Variants in SDR16C5 observed in about 807,000 individuals in gnomAD.
SDR16C5 encodes short chain dehydrogenase/reductase family 16C member 5, also known as epidermal retinol dehydrogenase 2.
In SDR16C5, 20 loss-of-function variants were observed where a neutral mutation model predicts 27.7. That is an observed-to-expected ratio of 0.72 (90% CI 0.51 to 1.05). SDR16C5 has a LOEUF of 1.05. Ranked by LOEUF, SDR16C5 falls within the 50% of genes least tolerant of loss-of-function variation. SDR16C5 has a pLI of 0.00. For missense variants in SDR16C5, 374 were observed against 366.3 expected, an observed-to-expected ratio of 1.02 and a Z score of -0.17; for synonymous variants, 139 against 132.3, an observed-to-expected ratio of 1.05 and a Z score of -0.35.
chr8:56,312,569 GTGA>G (rs563416687), intron 2 of SDR16C5, among the ~76,000 whole-genome samples: 65 of 152,106 alleles, frequency 4.3e-4, no homozygotes, highest in Non-Finnish European at 7.9e-4. Context: ...GCCAGGCATG[GTGA>G]TGCGTGCCTC....
intron 6 of SDR16C5, 33 bp from the exon 7 acceptor site, chr8:56,301,606 T>C (rs1814756866): frequency 2.0e-6 from 3 of 1,504,496 alleles, no homozygotes; most frequent in South Asian, 2.3e-5. Flanking sequence ...CTTTCTTTAT[T>C]ATCATTCATG....
chr8:56,301,566 G>T lies in SDR16C5; in HGVS notation c.844C>A (p.Pro282Thr). Residue 282 changes from proline (P) to threonine (T), a missense_variant, in exon 7 of 7, where the codon CCC becomes ACC. Coordinates refer to ENST00000303749, the MANE Select transcript of SDR16C5 (RefSeq NM_138969.4). Reference protein sequence around the residue: ...YFMMFLKSFLPLKTGLLIADY... With the variant: ...YFMMFLKSFLTLKTGLLIADY... Reference sequence around the variant, plus strand: ...GCTATAAGCAGTCCTGTCTTGAGGGGCAAAAAGCTAAAGAGAACACAAGAA... The same window carrying T: ...GCTATAAGCAGTCCTGTCTTGAGGGTCAAAAAGCTAAAGAGAACACAAGAA... 6.2e-7 allele frequency: 1 copy of T among 1,611,962 alleles called. No individual in the cohort carries two copies. Among genetic ancestry groups the T allele is most frequent in the Non-Finnish European group, 8.5e-7 (1 of 1,178,190 alleles).
Position 56,306,703 on chromosome 8 carries a change from G to C in SDR16C5, c.683C>G (p.Thr228Ser). 6.2e-7 allele frequency: 1 copy of C among 1,613,296 alleles called. No individual in the cohort carries two copies. The highest frequency in any genetic ancestry group is 8.5e-7 in the Non-Finnish European group (1 of 1,179,778). The change falls in exon 5 of 7, where the codon ACT (threonine) becomes AGT (serine). Residue 228 changes from threonine to serine, a missense_variant. Coordinates refer to ENST00000303749, the MANE Select transcript of SDR16C5 (RefSeq NM_138969.4). ...TGTAGTACAACCTTCAAACATTCCAGTTTTTATAAAAAAGGGGCACACAAT... is the reference window on the plus strand; with the variant it reads ...TGTAGTACAACCTTCAAACATTCCACTTTTTATAAAAAAGGGGCACACAAT... ...TTIVCPFFIK[T>S]GMFEGCTTGC...
intron 6 of SDR16C5, among the ~76,000 whole-genome samples, chr8:56,304,372 A>G (rs1261362638): frequency 6.6e-6 from 1 of 152,176 alleles, no homozygotes; most frequent in African/African-American, 2.4e-5. Context: ...CCAGTGAGGA[A>G]AGATTTAATT....
rs1215148943 is a variant in SDR16C5 at position 56,305,741 on chromosome 8, A to C, written c.711-19T>G. 1.3e-6 allele frequency: 2 copies of C among 1,566,302 alleles called. No homozygotes were observed. Among genetic ancestry groups the C allele is most frequent in the African/African-American group, 2.8e-5 (2 of 71,790 alleles). On this transcript the variant is annotated intron_variant, in intron 5 of 6. Coordinates refer to ENST00000303749, the MANE Select transcript of SDR16C5 (RefSeq NM_138969.4). ...AGGACAGCTAGGATATAAAATGACA[A>C]CAATTAAAAAAAACCCTGAAGGCCA...
At position 56,316,378 on chromosome 8, in the gene SDR16C5, A is replaced by AT. The variant is rs561411074; in HGVS notation, c.-14-18dup. On this transcript the variant is annotated splice_polypyrimidine_tract_variant and intron_variant, in intron 1 of 6. Transcript: ENST00000303749. ...GGCTGACACCTGTGAAGAAAGACAG[A>AT]TTCACATGAAGACTTATTTGTCCAT... is the stretch of plus-strand genomic sequence containing the variant. 2.7e-3 allele frequency: 4,005 copies of AT among 1,486,744 alleles called. 7 individuals are homozygous for AT. Among genetic ancestry groups the AT allele is most frequent in the Non-Finnish European group, 3.3e-3 (3,530 of 1,066,686 alleles). The allele number at this position is 1,486,744 out of a possible 1,614,324, so 92.1% of individuals were successfully genotyped here.
chr8:56,309,973 A>G (rs1401618105), intron 3 of SDR16C5, among the ~76,000 whole-genome samples: 1 of 151,664 alleles, frequency 6.6e-6, no homozygotes, highest in African/African-American at 2.4e-5. Context: ...CAGAAGAAGT[A>G]AAGGGAGTGA....
intron 1 of SDR16C5, among the ~76,000 whole-genome samples, chr8:56,319,218 A>C (rs1357704934): frequency 6.6e-6 from 1 of 151,442 alleles, no homozygotes; most frequent in Non-Finnish European, 1.5e-5. Flanking sequence ...TTTGGATTTC[A>C]ACACCTGCCA....
At chr8:56,302,414 C>T (rs761982175) in intron 6 of SDR16C5, among the ~76,000 whole-genome samples, 1 of 152,180 alleles carries the variant, frequency 6.6e-6, no homozygotes, top group Non-Finnish European at 1.5e-5. Context: ...GTGGCTCACG[C>T]CTGTAATCCC....
chr8:56,306,695 A>C lies in SDR16C5; in HGVS notation c.691T>G (p.Phe231Val). Residue 231 changes from phenylalanine (F) to valine (V), a missense_variant, in exon 5 of 7, where the codon TTT (phenylalanine) becomes GTT (valine). Physicochemically the swap from Phe to Val is conservative, Grantham distance 50. Coordinates refer to ENST00000303749, the MANE Select transcript of SDR16C5 (RefSeq NM_138969.4). Reference protein sequence around the residue: ...VCPFFIKTGMFEGCTTGCPSL... With the variant: ...VCPFFIKTGMVEGCTTGCPSL... ...ACTTACCCTGTAGTACAACCTTCAAACATTCCAGTTTTTATAAAAAAGGGG... is the reference window on the plus strand; with the variant it reads ...ACTTACCCTGTAGTACAACCTTCAACCATTCCAGTTTTTATAAAAAAGGGG... The C allele has an allele frequency of 6.2e-7, 1 of 1,613,106 alleles. No homozygotes were observed. Among genetic ancestry groups the C allele is most frequent in the Non-Finnish European group, 8.5e-7 (1 of 1,179,744 alleles).
chr8:56,309,301 A>G (rs7006968), intron 3 of SDR16C5: 575,270 of 983,326 alleles, frequency 0.59, 168,580 homozygotes, highest in Admixed American at 0.67. Context: ...ACAATATTAA[A>G]ACAAGAATTG....
Position 56,309,044 on chromosome 8 carries a change from A to G in SDR16C5, c.466-17T>C, listed in dbSNP as rs371489955. ...TTTATAAGTCTAAGAATACAAAGGA[A>G]AACTTTTAATGTTTAATGCCACATT... On this transcript the variant is annotated splice_polypyrimidine_tract_variant and intron_variant, in intron 3 of 6. Coordinates refer to ENST00000303749, the MANE Select transcript of SDR16C5 (RefSeq NM_138969.4). 15 of 1,547,600 alleles carry G rather than the reference A, an allele frequency of 9.7e-6. No individual in the cohort carries two copies. Among genetic ancestry groups the G allele is most frequent in the Middle Eastern group, 1.7e-4 (1 of 5,908 alleles).
chr8:56,306,854 A>T (rs752868757), intron 4 of SDR16C5, 34 bp from the exon 5 acceptor site: 1 of 1,584,510 alleles, frequency 6.3e-7, no homozygotes, highest in Non-Finnish European at 8.6e-7. Context: ...CGTATATTCC[A>T]AAGTTTTAAA....
chr8:56,312,847 G>T (rs1815084924), intron 2 of SDR16C5, among the ~76,000 whole-genome samples: 1 of 149,222 alleles, frequency 6.7e-6, no homozygotes, highest in African/African-American at 2.5e-5. Flanking sequence ...CACGATCTTG[G>T]CTCACTGCAA....
rs72656049 is a variant in SDR16C5 at position 56,303,897 on chromosome 8, G to A, written c.836+1700C>T. 2,083 of 697,034 alleles carry A rather than the reference G, an allele frequency of 3.0e-3. 13 individuals are homozygous for A. Among genetic ancestry groups the A allele is most frequent in the Non-Finnish European group, 2.6e-3 (993 of 381,730 alleles). The allele number at this position is 697,034 out of a possible 1,614,324, so 43.2% of individuals were successfully genotyped here. ...TGCATTACACGAATCTACAAGCTAC[G>A]ACAAACATTGTCTCTACAATGTAAA... On this transcript the variant is annotated intron_variant, in intron 6 of 6. Transcript: ENST00000303749.
Position 56,316,600 on chromosome 8 carries a change from C to T in SDR16C5, c.-14-239G>A, listed in dbSNP as rs547093399. On this transcript the variant is annotated intron_variant, in intron 1 of 6. Coordinates refer to ENST00000303749, the MANE Select transcript of SDR16C5 (RefSeq NM_138969.4). Reference sequence around the variant, plus strand: ...ATGTTATTTGCATGCCTGCTATGTGCAGTACACAACAGAAATGTTTGTTAA... The same window carrying T: ...ATGTTATTTGCATGCCTGCTATGTGTAGTACACAACAGAAATGTTTGTTAA... Among the ~76,000 whole-genome samples the T allele has an allele frequency of 2.0e-5, 3 of 152,272 alleles. No homozygotes were observed. The South Asian group carries it at 6.2e-4, about 32-fold the overall frequency.
intron 3 of SDR16C5, 70 bp downstream of exon 3, chr8:56,312,087 A>G: frequency 7.4e-7 from 1 of 1,359,566 alleles, no homozygotes; most frequent in Non-Finnish European, 1.0e-6. Flanking sequence ...ATATTGTAAA[A>G]GAGCAAGAGG....
At chr8:56,317,163 C>T (rs1440030119) in intron 1 of SDR16C5, among the ~76,000 whole-genome samples, 1 of 152,112 alleles carries the variant, frequency 6.6e-6, no homozygotes, top group Non-Finnish European at 1.5e-5. Flanking sequence ...GGTCCCGTGG[C>T]ATAGGGTGTT....
chr8:56,306,418 G>A (rs564517884), intron 5 of SDR16C5, among the ~76,000 whole-genome samples: 3 of 152,252 alleles, frequency 2.0e-5, no homozygotes, highest in African/African-American at 7.2e-5. Flanking sequence ...AAGGGGATGT[G>A]GCCCTGAGAG....
Sources: allele counts gnomAD v4.1 joint callset (sites outside exome capture counted in the v4.1 genomes callset), GRCh38; gene constraint gnomAD v4.1.1; transcripts MANE v1.5; gene names NCBI Gene and HGNC (gene_info 2026-07-23, HGNC 2026-07-21).